KDM4C: variants seen among roughly 807,000 people sequenced by gnomAD.
KDM4C encodes the protein lysine demethylase 4C, also known as lysine-specific demethylase 4C.
In KDM4C, 81 loss-of-function variants were observed where a neutral mutation model predicts 129.3. The ratio of observed to expected loss-of-function variants is 0.63; its 90% CI spans 0.52 to 0.75. KDM4C has a LOEUF of 0.75. Ranked by LOEUF, KDM4C falls within the 30% of genes least tolerant of loss-of-function variation. KDM4C has a pLI of 0.00. For synonymous variants in KDM4C, 573 were observed against 456.1 expected (o/e 1.26, Z -3.26); for missense variants, 1,457 against 1,304.0 (o/e 1.12, Z -1.81).
chr9:6,750,977 G>A (rs888469008), intron 1 of KDM4C, among the ~76,000 whole-genome samples: 5 of 152,078 alleles, frequency 3.3e-5, no homozygotes, highest in African/African-American at 4.8e-5. Context: ...GGGTACCTTG[G>A]TTATTTTTTC....
chr9:6,891,956 C>T (rs1846173081), intron 7 of KDM4C, among the ~76,000 whole-genome samples: 2 of 152,132 alleles, frequency 1.3e-5, no homozygotes, highest in Non-Finnish European at 2.9e-5. Flanking sequence ...ATTATATGTA[C>T]ATTATATCTC....
chr9:6,797,991 A>C (rs190177511), intron 2 of KDM4C, among the ~76,000 whole-genome samples: 3 of 152,224 alleles, frequency 2.0e-5, no homozygotes, highest in African/African-American at 7.2e-5. Flanking sequence ...GGAATCTTTT[A>C]AAGATCTCAG....
chr9:7,165,291 C>A lies in KDM4C; in HGVS notation c.2835C>A (p.Val945=). ...GPPAEGEVVQ[V]KWPDGKLYGA... ...CTGCTGAGGGAGAAGTCGTCCAAGT[C>A]AAGTGGCCCGATGGCAAACTCTATG... Residue 945 remains valine, a synonymous_variant, in exon 20 of 22, where the codon GTC becomes GTA. Coordinates refer to ENST00000381309, the MANE Select transcript of KDM4C (RefSeq NM_015061.6). 1 of 1,614,166 alleles carries A rather than the reference C, an allele frequency of 6.2e-7. No individual in the cohort carries two copies. The highest frequency in any genetic ancestry group is 8.5e-7 in the Non-Finnish European group (1 of 1,180,016).
chr9:7,173,941 G>A lies in KDM4C; in HGVS notation c.2995-612G>A, dbSNP rs926363285. 3.9e-5 allele frequency among the ~76,000 whole-genome samples: 6 copies of A among 152,194 alleles called. No homozygotes were observed. In the East Asian group the frequency reaches 9.6e-4, roughly 24 times the overall value. On this transcript the variant is annotated intron_variant, in intron 21 of 21. Coordinates refer to ENST00000381309, the MANE Select transcript of KDM4C (RefSeq NM_015061.6). ...AGGGAACAGGAGTGGAGAGGAGAAG[G>A]CCCAGTGCCAAACCTTAGGGCATCG...
At chr9:6,747,063 C>T (rs1817906606) in intron 1 of KDM4C, among the ~76,000 whole-genome samples, 1 of 146,892 alleles carries the variant, frequency 6.8e-6, no homozygotes, top group African/African-American at 2.5e-5. Context: ...TGTGGTGGTG[C>T]ACACTTCTGG....
chr9:6,992,205 A>G (rs1413971096), intron 12 of KDM4C, among the ~76,000 whole-genome samples: 2 of 152,178 alleles, frequency 1.3e-5, no homozygotes, highest in Admixed American at 1.3e-4. Flanking sequence ...CTAAGGCTGT[A>G]CCAACACATA....
chr9:6,932,784 G>A (rs907010662), intron 8 of KDM4C, among the ~76,000 whole-genome samples: 1 of 152,172 alleles, frequency 6.6e-6, no homozygotes, highest in African/African-American at 2.4e-5. Flanking sequence ...TGATGGGGGA[G>A]GTGCCAATGG....
At chr9:7,058,654 C>T (rs1764152601) in intron 17 of KDM4C, among the ~76,000 whole-genome samples, 1 of 152,162 alleles carries the variant, frequency 6.6e-6, no homozygotes, top group East Asian at 1.9e-4. Context: ...AAGCCAGTTT[C>T]ACTTAAGAAG....
At chr9:6,798,594 T>C (rs1031679754) in intron 2 of KDM4C, among the ~76,000 whole-genome samples, 4 of 152,144 alleles carry the variant, frequency 2.6e-5, no homozygotes, top group South Asian at 4.1e-4. Flanking sequence ...GGCAGAAGAA[T>C]TTTTCTTAGT....
rs1327140031 is a variant in KDM4C at position 6,888,079 on chromosome 9, T to C, written c.783+16T>C. 1.1e-5 allele frequency: 14 copies of C among 1,287,874 alleles called. No homozygotes were observed. In the African/African-American group the frequency reaches 2.0e-4, roughly 18 times the overall value. 79.8% of individuals were successfully genotyped at this position (1,287,874 alleles called of 1,614,324 possible). A position where few individuals can be genotyped will look rare whatever the true frequency, so the allele number is the denominator to read the frequency against. ...CTTTGACAAGGTATGTTAGTATTCA[T>C]CTTACACAAATTAATTTTGTTTGTG... On this transcript the variant is annotated intron_variant, in intron 7 of 21. Coordinates refer to ENST00000381309, the MANE Select transcript of KDM4C (RefSeq NM_015061.6).
At chr9:6,826,450 C>G (rs1833885102) in intron 4 of KDM4C, among the ~76,000 whole-genome samples, 1 of 152,016 alleles carries the variant, frequency 6.6e-6, no homozygotes, top group African/African-American at 2.4e-5. Flanking sequence ...TATGAATGCT[C>G]CATAATTGCA....
intron 8 of KDM4C, among the ~76,000 whole-genome samples, chr9:6,918,626 C>T (rs1237198794): frequency 2.0e-5 from 3 of 152,196 alleles, no homozygotes; most frequent in East Asian, 1.9e-4. Context: ...AATTAATTTA[C>T]ATCCCTACCA....
chr9:6,732,913 T>A (rs1390415729), intron 1 of KDM4C, among the ~76,000 whole-genome samples: 1 of 152,162 alleles, frequency 6.6e-6, no homozygotes, highest in East Asian at 1.9e-4. Context: ...CTGGGGAGGC[T>A]GAGGCAGGAG....
intron 8 of KDM4C, among the ~76,000 whole-genome samples, chr9:6,913,418 T>C (rs1263882300): frequency 6.6e-6 from 1 of 152,262 alleles, no homozygotes; most frequent in African/African-American, 2.4e-5. Context: ...TCTTAGGCTC[T>C]AGTTTGCAAA....
chr9:6,732,247 C>T (rs1205408291), intron 1 of KDM4C, among the ~76,000 whole-genome samples: 2 of 151,406 alleles, frequency 1.3e-5, no homozygotes, highest in Non-Finnish European at 2.9e-5. Flanking sequence ...CGCCTGTAGT[C>T]CCAGCTACTC....
chr9:6,725,909 CTTTCT>C (rs1218332217), intron 1 of KDM4C, among the ~76,000 whole-genome samples: 2 of 133,912 alleles, frequency 1.5e-5, no homozygotes, highest in African/African-American at 5.5e-5. Context: ...GATGGGGTTT[CTTTCT>C]TTTCTTTTCT....
At chr9:7,024,616 G>C (rs2132291706) in intron 15 of KDM4C, among the ~76,000 whole-genome samples, 1 of 152,138 alleles carries the variant, frequency 6.6e-6, no homozygotes. Flanking sequence ...ACTTTGCTGA[G>C]AATGATGGTT....
intron 8 of KDM4C, among the ~76,000 whole-genome samples, chr9:6,932,449 G>T (rs1292661696): frequency 6.6e-6 from 1 of 152,130 alleles, no homozygotes; most frequent in African/African-American, 2.4e-5. Context: ...GAAAACTTTT[G>T]TTGAAAAACC....
intron 19 of KDM4C, among the ~76,000 whole-genome samples, chr9:7,141,836 G>C (rs1841771464): frequency 6.6e-6 from 1 of 151,902 alleles, no homozygotes; most frequent in Non-Finnish European, 1.5e-5. Context: ...GAATGTAAGG[G>C]ATGCTGAGTG....
Sources: allele counts gnomAD v4.1 joint callset (sites outside exome capture counted in the v4.1 genomes callset), GRCh38; gene constraint gnomAD v4.1.1; transcripts MANE v1.5; gene names NCBI Gene and HGNC (gene_info 2026-07-23, HGNC 2026-07-21).